The following RUNX2 variants were observed in gnomAD, a reference collection of about 807,000 sequenced individuals.
The protein encoded by RUNX2 is RUNX family transcription factor 2.
In RUNX2, 10 loss-of-function variants were observed where a neutral mutation model predicts 51.7. The observed-to-expected ratio is 0.19, with a 90% CI of 0.12 to 0.33. RUNX2 has a LOEUF of 0.33. Ranked by LOEUF, RUNX2 falls within the 10% of genes least tolerant of loss-of-function variation. The probability of loss-of-function intolerance (pLI) is 1.00; values close to 1 mark genes in which losing one functional copy is unlikely to be tolerated. For missense variants in RUNX2, 562 were observed against 691.3 expected (o/e 0.81, Z 2.10); for synonymous variants, 276 against 273.6 (o/e 1.01, Z -0.09).
intron 2 of RUNX2, among the ~76,000 whole-genome samples, chr6:45,329,101 A>G (rs183211414): frequency 6.6e-6 from 1 of 152,112 alleles, no homozygotes; most frequent in East Asian, 1.9e-4. Flanking sequence ...ATTAACCCTC[A>G]CCAGAAGAAA....
intron 2 of RUNX2, among the ~76,000 whole-genome samples, chr6:45,329,619 C>T (rs994036257): frequency 2.6e-5 from 4 of 151,852 alleles, no homozygotes; most frequent in Non-Finnish European, 4.4e-5. Context: ...AAATGAATAA[C>T]TGCTGTTTAG....
chr6:45,485,258 A>C (rs1800237450), intron 5 of RUNX2, among the ~76,000 whole-genome samples: 1 of 143,356 alleles, frequency 7.0e-6, no homozygotes, highest in Non-Finnish European at 1.5e-5. Context: ...CACTTGTTGC[A>C]GTGGCTTGAT....
At chr6:45,488,792 T>A (rs570901245) in intron 5 of RUNX2, among the ~76,000 whole-genome samples, 1 of 152,290 alleles carries the variant, frequency 6.6e-6, no homozygotes, top group Non-Finnish European at 1.5e-5. Flanking sequence ...AATTTTCCAT[T>A]CTTCATACCC....
intron 5 of RUNX2, among the ~76,000 whole-genome samples, chr6:45,466,024 T>G (rs766565374): frequency 2.1e-4 from 32 of 151,920 alleles, no homozygotes; most frequent in Non-Finnish European, 1.6e-4. Flanking sequence ...TTAAGAAAAC[T>G]AAAAATAGGC....
rs1482695270 is a variant in RUNX2 at position 45,348,774 on chromosome 6, G to A, written c.58+19990G>A. On this transcript the variant is annotated intron_variant, in intron 2 of 8. Transcript: ENST00000647337. ...TGTTAGTGCACATTACCTATTTAGT[G>A]ATGGAAGTGATATTTCCTCTTCCCA... Among the ~76,000 whole-genome samples the A allele has an allele frequency of 2.6e-5, 4 of 151,850 alleles. No homozygotes were observed. In the East Asian group the frequency reaches 7.7e-4, roughly 29 times the overall value.
intron 2 of RUNX2, among the ~76,000 whole-genome samples, chr6:45,375,583 C>G (rs1796665446): frequency 6.7e-6 from 1 of 149,326 alleles, no homozygotes. Flanking sequence ...TCTCCCTCTG[C>G]AGCCCAGGCT....
At chr6:45,333,376 G>A (rs1581659317) in intron 2 of RUNX2, among the ~76,000 whole-genome samples, 1 of 151,448 alleles carries the variant, frequency 6.6e-6, no homozygotes, top group South Asian at 2.1e-4. Flanking sequence ...ACTGTTTTAA[G>A]ACCTGTATAG....
At chr6:45,432,855 A>G (rs1435080659) in intron 4 of RUNX2, among the ~76,000 whole-genome samples, 1 of 152,214 alleles carries the variant, frequency 6.6e-6, no homozygotes, top group Non-Finnish European at 1.5e-5. Context: ...TATTTACTTA[A>G]CTGAATCTAA....
At chr6:45,396,326 A>G (rs1259975712) in intron 2 of RUNX2, among the ~76,000 whole-genome samples, 1 of 152,168 alleles carries the variant, frequency 6.6e-6, no homozygotes, top group Admixed American at 6.5e-5. Context: ...GCTTTAGTAC[A>G]TTTACCGAGA....
intron 7 of RUNX2, among the ~76,000 whole-genome samples, chr6:45,524,951 A>G (rs1392893895): frequency 6.6e-6 from 1 of 152,186 alleles, no homozygotes; most frequent in African/African-American, 2.4e-5. Context: ...TATCTACTAT[A>G]AATACAACAA....
intron 6 of RUNX2, among the ~76,000 whole-genome samples, chr6:45,505,360 CTTT>C (rs1203690597): frequency 7.1e-6 from 1 of 139,910 alleles, no homozygotes. Flanking sequence ...CCTGGGATGC[CTTT>C]TTTTTTTTTT....
intron 2 of RUNX2, among the ~76,000 whole-genome samples, chr6:45,332,444 G>A (rs1382732170): frequency 6.6e-6 from 1 of 151,656 alleles, no homozygotes; most frequent in African/African-American, 2.4e-5. Context: ...GATTAATGAT[G>A]CACCCGTGCA....
intron 2 of RUNX2, among the ~76,000 whole-genome samples, chr6:45,353,615 A>T (rs189039529): frequency 1.7e-4 from 26 of 152,246 alleles, no homozygotes; most frequent in Admixed American, 1.6e-3. Flanking sequence ...CCCTGACATC[A>T]TAAAACAAAA....
At chr6:45,446,776 C>G (rs1040719228) in intron 5 of RUNX2, among the ~76,000 whole-genome samples, 1 of 152,070 alleles carries the variant, frequency 6.6e-6, no homozygotes, top group Non-Finnish European at 1.5e-5. Context: ...CATAAAATCT[C>G]TAAAGTTTTT....
At chr6:45,473,177 C>T (rs749428371) in intron 5 of RUNX2, among the ~76,000 whole-genome samples, 17 of 152,154 alleles carry the variant, frequency 1.1e-4, no homozygotes, top group Non-Finnish European at 2.1e-4. Context: ...TTTTCCTATT[C>T]TCTTGATTAT....
intron 5 of RUNX2, among the ~76,000 whole-genome samples, chr6:45,440,821 G>T (rs943941842): frequency 6.6e-6 from 1 of 152,106 alleles, no homozygotes; most frequent in African/African-American, 2.4e-5. Flanking sequence ...CAAAGTTTGT[G>T]TTATGTACTT....
At chr6:45,406,962 A>T (rs17209853) in intron 2 of RUNX2, among the ~76,000 whole-genome samples, 12,132 of 152,178 alleles carry the variant, frequency 0.08, 704 homozygotes, top group South Asian at 0.18. Flanking sequence ...TGTTGGGTAT[A>T]AAAAATAGCA....
intron 2 of RUNX2, among the ~76,000 whole-genome samples, chr6:45,406,851 A>C (rs992351517): frequency 6.6e-6 from 1 of 152,210 alleles, no homozygotes; most frequent in African/African-American, 2.4e-5. Context: ...ACCCAGTACT[A>C]GGAAATATAT....
chr6:45,329,864 C>T (rs1330133348), intron 2 of RUNX2, among the ~76,000 whole-genome samples: 2 of 151,788 alleles, frequency 1.3e-5, no homozygotes, highest in Non-Finnish European at 2.9e-5. Context: ...CAACATGTTC[C>T]AACTACAAGG....
Sources: allele counts gnomAD v4.1 joint callset (sites outside exome capture counted in the v4.1 genomes callset), GRCh38; gene constraint gnomAD v4.1.1; transcripts MANE v1.5; gene names NCBI Gene and HGNC (gene_info 2026-07-23, HGNC 2026-07-21).